PRDM2: variants seen among roughly 807,000 people sequenced by gnomAD.
PRDM2 encodes PR/SET domain 2.
A neutral mutation model predicts 130.0 loss-of-function variants in PRDM2; 30 were observed. The ratio of observed to expected loss-of-function variants is 0.23; its 90% CI spans 0.17 to 0.31. PRDM2 has a LOEUF of 0.31. Among genes scored for constraint, PRDM2 ranks in the 10% least tolerant of loss-of-function variants. The probability of loss-of-function intolerance (pLI) is 1.00; values close to 1 mark genes in which losing one functional copy is unlikely to be tolerated. For missense variants in PRDM2, 2,011 were observed against 2,108.4 expected (o/e 0.95, Z 0.90); for synonymous variants, 871 against 782.4 (o/e 1.11, Z -1.89).
At chr1:13,813,273 G>A (rs1036457615) in intron 8 of PRDM2, among the ~76,000 whole-genome samples, 11 of 152,180 alleles carry the variant, frequency 7.2e-5, no homozygotes, top group Admixed American at 4.6e-4. Context: ...AGAATCATGA[G>A]GCTCTGCGCT....
chr1:13,737,819 AAC>A (rs1260486098), intron 4 of PRDM2, among the ~76,000 whole-genome samples: 3 of 152,170 alleles, frequency 2.0e-5, no homozygotes, highest in Non-Finnish European at 4.4e-5. Context: ...TCATTCATTT[AAC>A]CCCTATTAAG....
chr1:13,797,177 C>A (rs1644935683), intron 8 of PRDM2, among the ~76,000 whole-genome samples: 1 of 152,222 alleles, frequency 6.6e-6, no homozygotes, highest in African/African-American at 2.4e-5. Context: ...GATTGATGAC[C>A]TGCCCATGAA....
rs570714505 is a variant in PRDM2 at position 13,738,329 on chromosome 1, T to C, written c.232-3676T>C. ...TGCACAAAATTTTGCATGTTACTTA[T>C]ACGGTTATATGGGATTCTTAAACAT... is the stretch of plus-strand genomic sequence containing the variant. On this transcript the variant is annotated intron_variant, in intron 4 of 9. Coordinates refer to ENST00000311066, the MANE Select transcript of PRDM2 (RefSeq NM_001393986.1). Among the ~76,000 whole-genome samples, 15 of 152,324 alleles carry C rather than the reference T, an allele frequency of 9.8e-5. No homozygotes were observed. In the South Asian group the frequency reaches 3.1e-3, roughly 32 times the overall value.
rs1165818605 is a variant in PRDM2 at position 13,782,404 on chromosome 1, C to T, written c.4609C>T (p.Arg1537Cys). ...MQTPLGKTRA[R>C]SSGPTQVPLP... ...GACTCCGTTGGGCAAGACCAGAGCCCGCAGCTCAGGCCCCACCCAAGTCCC... is the reference window on the plus strand; with the variant it reads ...GACTCCGTTGGGCAAGACCAGAGCCTGCAGCTCAGGCCCCACCCAAGTCCC... The change falls in exon 8 of 10, where the codon CGC (arginine) becomes TGC (cysteine). Residue 1537 changes from arginine (R) to cysteine (C), a missense_variant. Arg to Cys is a radical substitution (Grantham distance 180). Transcript: ENST00000311066. The T allele has an allele frequency of 1.1e-5, 17 of 1,613,784 alleles. No homozygotes were observed. Among genetic ancestry groups the T allele is most frequent in the South Asian group, 2.2e-5 (2 of 91,068 alleles).
chr1:13,820,088 G>A (rs147581481), intron 9 of PRDM2, among the ~76,000 whole-genome samples: 1 of 152,322 alleles, frequency 6.6e-6, no homozygotes, highest in African/African-American at 2.4e-5. Flanking sequence ...GGAGGGGCGT[G>A]TGGCAGAACT....
At chr1:13,787,594 G>A (rs1644767532) in intron 8 of PRDM2, 1 of 977,300 alleles carries the variant, frequency 1.0e-6, no homozygotes, top group Admixed American at 6.2e-5. Flanking sequence ...CTGTTATGGG[G>A]ACTTTATGTT....
rs61747667 is a variant in PRDM2, at chr1:13,778,554, C to A, written c.759C>A (p.Asp253Glu). 33,290 of 1,613,764 alleles carry A rather than the reference C, an allele frequency of 0.021. 645 individuals are homozygous for A. Among genetic ancestry groups the A allele is most frequent in the South Asian group, 0.087 (7,950 of 91,058 alleles). The part of the protein sequence containing the change: ...APAWEPQPEP[D>E]ERLEAAACEV... ...CCTGGGAGCCACAGCCAGAACCAGA[C>A]GAGCGATTAGAAGCGGCAGCTTGTG... Residue 253 changes from aspartate (D) to glutamate (E), a missense_variant, in exon 8 of 10, where the codon GAC becomes GAA. Transcript: ENST00000311066.
At chr1:13,720,467 A>T (rs1642687993) in intron 2 of PRDM2, among the ~76,000 whole-genome samples, 1 of 152,170 alleles carries the variant, frequency 6.6e-6, no homozygotes, top group Non-Finnish European at 1.5e-5. Flanking sequence ...TGGGGTCGCC[A>T]GAAGGACAGA....
intron 7 of PRDM2, among the ~76,000 whole-genome samples, chr1:13,774,563 CT>C (rs1277188583): frequency 6.6e-6 from 1 of 152,142 alleles, no homozygotes; most frequent in African/African-American, 2.4e-5. Context: ...ACAAAAATTA[CT>C]AAGGAACCTC....
intron 2 of PRDM2, among the ~76,000 whole-genome samples, chr1:13,718,115 A>G (rs1451252508): frequency 6.6e-6 from 1 of 152,196 alleles, no homozygotes; most frequent in Admixed American, 6.5e-5. Context: ...ATGAGCAGTA[A>G]ATGCTTGAAA....
At chr1:13,722,573 A>G (rs1642765629) in intron 2 of PRDM2, among the ~76,000 whole-genome samples, 1 of 152,066 alleles carries the variant, frequency 6.6e-6, no homozygotes, top group Non-Finnish European at 1.5e-5. Context: ...TGTAGCCCAC[A>G]GTTTGTTGCT....
chr1:13,778,104 G>C (rs1644518527), intron 7 of PRDM2, among the ~76,000 whole-genome samples: 1 of 152,140 alleles, frequency 6.6e-6, no homozygotes. Context: ...CAACAGAGTT[G>C]TATCTGTGTG....
intron 8 of PRDM2, among the ~76,000 whole-genome samples, chr1:13,813,390 A>T (rs1028005629): frequency 6.6e-6 from 1 of 152,114 alleles, no homozygotes; most frequent in African/African-American, 2.4e-5. Context: ...TTTGACAGTG[A>T]AGCACTTCTT....
At chr1:13,769,261 C>T (rs1644303139) in intron 6 of PRDM2, 6 of 705,534 alleles carry the variant, frequency 8.5e-6, no homozygotes, top group Non-Finnish European at 1.0e-5. Flanking sequence ...CATCTCCCCT[C>T]TGTAAATGTC....
At chr1:13,752,067 AAAG>A (rs1643862692) in intron 6 of PRDM2, among the ~76,000 whole-genome samples, 1 of 152,090 alleles carries the variant, frequency 6.6e-6, no homozygotes, top group Admixed American at 6.5e-5. Context: ...GATGAGCAAA[AAAG>A]CAGCGGCGAC....
rs545643157 is a variant in PRDM2, at chr1:13,720,654, A to G, written c.9+5040A>G. Among the ~76,000 whole-genome samples the G allele has an allele frequency of 7.2e-5, 11 of 152,330 alleles. No individual in the cohort carries two copies. In the South Asian group the frequency reaches 1.7e-3, roughly 23 times the overall value. ...AAAAAATAGTAACTTACCGTGTTTCATATATGTCAGGCACTAGCCTAAGTG... is the reference window on the plus strand; with the variant it reads ...AAAAAATAGTAACTTACCGTGTTTCGTATATGTCAGGCACTAGCCTAAGTG... On this transcript the variant is annotated intron_variant, in intron 2 of 9. Transcript: ENST00000311066.
chr1:13,734,108 A>G (rs1408740359), intron 4 of PRDM2, among the ~76,000 whole-genome samples: 3 of 152,178 alleles, frequency 2.0e-5, no homozygotes, highest in East Asian at 1.9e-4. Context: ...TCTTCTGACT[A>G]TTAACGGGGG....
intron 6 of PRDM2, among the ~76,000 whole-genome samples, chr1:13,752,249 C>T (rs899920089): frequency 5.9e-5 from 9 of 152,180 alleles, no homozygotes; most frequent in Non-Finnish European, 1.2e-4. Flanking sequence ...ATATTGTCTG[C>T]GACCTTGGAG....
At chr1:13,741,720 TTGTG>T (rs200384633) in intron 4 of PRDM2, among the ~76,000 whole-genome samples, 3,373 of 112,516 alleles carry the variant, frequency 0.03, 55 homozygotes, top group Middle Eastern at 0.075. Flanking sequence ...CTCTTTAAGT[TTGTG>T]TGTGTGTGTG....
Sources: gnomAD v4.1 joint callset for allele counts (sites outside exome capture counted in the v4.1 genomes callset) on GRCh38, gnomAD v4.1.1 for gene constraint, MANE v1.5 for transcripts, NCBI Gene and HGNC (gene_info 2026-07-23, HGNC 2026-07-21) for gene names.